Variants in PHLDB2 observed in about 807,000 individuals in gnomAD.
PHLDB2 encodes the protein pleckstrin homology like domain family B member 2.
Under a neutral mutation model 123.6 loss-of-function variants are expected in PHLDB2, and 71 were observed. The ratio of observed to expected loss-of-function variants is 0.57; its 90% CI spans 0.47 to 0.70. PHLDB2 has a LOEUF of 0.70. Ranked by LOEUF, PHLDB2 falls within the 30% of genes least tolerant of loss-of-function variation. The pLI, the probability that PHLDB2 is intolerant of heterozygous loss-of-function variation, is 0.00. For missense variants in PHLDB2, 1,446 were observed against 1,519.5 expected (o/e 0.95, Z 0.80); for synonymous variants, 547 against 541.6 (o/e 1.01, Z -0.14).
At position 111,967,668 on chromosome 3, in the gene PHLDB2, T is replaced by A; in HGVS notation, c.3169-10T>A. ...GTTTTAAAATAATCATTGTTATGCA[T>A]AATGTTTAGGAACGGGAAATGGAAG... On this transcript the variant is annotated splice_polypyrimidine_tract_variant and intron_variant, in intron 14 of 17. Transcript: ENST00000431670. 1 of 1,601,168 alleles carries A rather than the reference T, an allele frequency of 6.2e-7. No homozygotes were observed. Among genetic ancestry groups the A allele is most frequent in the Non-Finnish European group, 8.5e-7 (1 of 1,175,860 alleles).
At chr3:111,789,119 T>C (rs1352867392) in intron 1 of PHLDB2, among the ~76,000 whole-genome samples, 1 of 152,186 alleles carries the variant, frequency 6.6e-6, no homozygotes, top group Admixed American at 6.5e-5. Flanking sequence ...GCAGGTATTT[T>C]TATCAAGGCG....
Position 111,859,891 on chromosome 3 carries a change from CG to C in PHLDB2, c.-15+319del, listed in dbSNP as rs141345139. The stretch of plus-strand genomic sequence containing the variant: ...GAAAGATGAGACGGTGAGTGGGCTC[CG>C]GGGACACAGAGTTTCTTTGCTTCTT... On this transcript the variant is annotated intron_variant, in intron 1 of 17. Coordinates refer to ENST00000431670, the MANE Select transcript of PHLDB2 (RefSeq NM_001134438.2). 10 of 985,314 alleles carry C rather than the reference CG, an allele frequency of 1.0e-5. No individual in the cohort carries two copies. In the African/African-American group the frequency reaches 1.6e-4, roughly 16 times the overall value. The allele number at this position is 985,314 out of a possible 1,614,324, so 61.0% of individuals were successfully genotyped here.
chr3:111,838,005 G>A (rs936569107), intron 1 of PHLDB2, among the ~76,000 whole-genome samples: 5 of 151,768 alleles, frequency 3.3e-5, no homozygotes, highest in African/African-American at 1.2e-4. Flanking sequence ...TCGTCCCACC[G>A]CACTCCAGCC....
At chr3:111,826,386 T>C (rs997207281) in intron 1 of PHLDB2, among the ~76,000 whole-genome samples, 3 of 152,182 alleles carry the variant, frequency 2.0e-5, no homozygotes, top group Non-Finnish European at 2.9e-5. Context: ...ATTGCTTCAA[T>C]AGGGTATTTG....
chr3:111,928,139 C>T (rs2068913245), intron 5 of PHLDB2, among the ~76,000 whole-genome samples: 1 of 152,164 alleles, frequency 6.6e-6, no homozygotes, highest in Admixed American at 6.5e-5. Context: ...ACGAATATTG[C>T]ATACTGCAAT....
chr3:111,879,339 A>G (rs1192133810), intron 1 of PHLDB2, among the ~76,000 whole-genome samples: 7 of 152,218 alleles, frequency 4.6e-5, no homozygotes, highest in Non-Finnish European at 1.0e-4. Context: ...TTATTTGCGT[A>G]GAAGTTGGTA....
chr3:111,742,425 A>AG (rs2059618859), intron 1 of PHLDB2, among the ~76,000 whole-genome samples: 1 of 152,014 alleles, frequency 6.6e-6, no homozygotes, highest in South Asian at 2.1e-4. Context: ...CTCGTCATTT[A>AG]CATTAGGTAT....
intron 13 of PHLDB2, among the ~76,000 whole-genome samples, chr3:111,963,194 C>T (rs920103319): frequency 2.0e-5 from 3 of 152,112 alleles, no homozygotes; most frequent in African/African-American, 4.8e-5. Flanking sequence ...TGTCAGATCC[C>T]GGAACCTGGC....
At chr3:111,873,987 A>G (rs1370366512) in intron 1 of PHLDB2, among the ~76,000 whole-genome samples, 2 of 152,228 alleles carry the variant, frequency 1.3e-5, no homozygotes, top group South Asian at 4.1e-4. Context: ...AGATTTTAAA[A>G]AACGGTGTTA....
chr3:111,749,102 T>TA (rs34512449), intron 1 of PHLDB2, among the ~76,000 whole-genome samples: 62,042 of 143,390 alleles, frequency 0.43, 14,021 homozygotes, highest in African/African-American at 0.61. Flanking sequence ...AAGAGAAGGC[T>TA]AAAAAAAAAA....
Position 111,974,858 on chromosome 3 carries a change from G to A in PHLDB2, c.*295G>A, listed in dbSNP as rs1022120972. The A allele has an allele frequency of 1.5e-5, 3 of 205,214 alleles. No homozygotes were observed. 12.7% of individuals were successfully genotyped at this position (205,214 alleles called of 1,614,324 possible). On this transcript the variant is annotated 3_prime_UTR_variant, in exon 18 of 18. Transcript: ENST00000431670. ...ATAAACTGTTTTTAATCAGTTGTCG[G>A]ATTTGGTGAAATAAACTAAACAGGT...
At chr3:111,903,765 T>G (rs911796636) in intron 2 of PHLDB2, among the ~76,000 whole-genome samples, 3 of 152,162 alleles carry the variant, frequency 2.0e-5, no homozygotes, top group Admixed American at 6.5e-5. Context: ...AAGCACATAG[T>G]CTATCACATG....
At chr3:111,904,277 C>CCAAAAAAAAAAA (rs538555039) in intron 2 of PHLDB2, among the ~76,000 whole-genome samples, 9 of 86,714 alleles carry the variant, frequency 1.0e-4, no homozygotes, top group African/African-American at 3.3e-4. Flanking sequence ...GACCCTGTCT[C>CCAAAAAAAAAAA]AAAAAAAAAA....
At chr3:111,838,139 C>T (rs148787783) in intron 1 of PHLDB2, among the ~76,000 whole-genome samples, 5 of 152,192 alleles carry the variant, frequency 3.3e-5, no homozygotes, top group Admixed American at 1.3e-4. Flanking sequence ...GGTAAGGTAC[C>T]TGTAATTTTA....
At chr3:111,738,215 A>C (rs2059542106) in intron 1 of PHLDB2, among the ~76,000 whole-genome samples, 1 of 152,208 alleles carries the variant, frequency 6.6e-6, no homozygotes, top group Non-Finnish European at 1.5e-5. Context: ...TTTTCTTTGC[A>C]AAATGAAAAT....
chr3:111,949,683 T>C (rs980408002), intron 10 of PHLDB2: 14 of 973,980 alleles, frequency 1.4e-5, no homozygotes, highest in Non-Finnish European at 1.7e-5. Flanking sequence ...CATATATACC[T>C]TTTCTTTCTC....
At chr3:111,831,013 G>GAAAGAAAGAAAGA (rs1553736465) in intron 1 of PHLDB2, among the ~76,000 whole-genome samples, 1,306 of 102,130 alleles carry the variant, frequency 0.013, 84 homozygotes, top group Non-Finnish European at 0.015. Flanking sequence ...AAGAAAGAAA[G>GAAAGAAAGAAAGA]AAAGAAAGAA....
intron 12 of PHLDB2, among the ~76,000 whole-genome samples, chr3:111,955,056 A>G (rs914441467): frequency 1.3e-5 from 2 of 151,400 alleles, no homozygotes; most frequent in Non-Finnish European, 2.9e-5. Flanking sequence ...ACACACACAC[A>G]CGCACATATA....
chr3:111,886,099 C>G lies in PHLDB2; in HGVS notation c.1335+687C>G, dbSNP rs539841845. ...AGTCTCACCAATGAATGAGAACAAACAACTGCATTTTTCCTTTCTCTTTTA... is the reference window on the plus strand; with the variant it reads ...AGTCTCACCAATGAATGAGAACAAAGAACTGCATTTTTCCTTTCTCTTTTA... On this transcript the variant is annotated intron_variant, in intron 2 of 17. Coordinates refer to ENST00000431670, the MANE Select transcript of PHLDB2 (RefSeq NM_001134438.2). Among the ~76,000 whole-genome samples the G allele has an allele frequency of 6.6e-5, 10 of 152,286 alleles. No individual in the cohort carries two copies. In the South Asian group the frequency reaches 2.1e-3, roughly 32 times the overall value.
Sources: gnomAD v4.1 joint callset for allele counts (sites outside exome capture counted in the v4.1 genomes callset) on GRCh38, gnomAD v4.1.1 for gene constraint, MANE v1.5 for transcripts, NCBI Gene and HGNC (gene_info 2026-07-23, HGNC 2026-07-21) for gene names.